NELL1: variants seen among roughly 807,000 people sequenced by gnomAD.
NELL1 encodes the protein protein kinase C-binding protein NELL1.
In NELL1, 76 loss-of-function variants were observed where a neutral mutation model predicts 107.4. The observed-to-expected ratio is 0.71, with a 90% CI of 0.59 to 0.86. NELL1 has a LOEUF of 0.86. Among genes scored for constraint, NELL1 ranks in the 40% least tolerant of loss-of-function variants. The pLI, the probability that NELL1 is intolerant of heterozygous loss-of-function variation, is 0.00. For missense variants in NELL1, 1,024 were observed against 1,005.5 expected (o/e 1.02, Z -0.25); for synonymous variants, 353 against 341.2 (o/e 1.03, Z -0.38).
intron 15 of NELL1, among the ~76,000 whole-genome samples, chr11:21,396,465 A>G (rs1851983645): frequency 6.6e-6 from 1 of 151,632 alleles, no homozygotes. Flanking sequence ...TAAAGGAAGG[A>G]CTAAGGAAAT....
At chr11:21,114,075 G>A (rs893270820) in intron 13 of NELL1, among the ~76,000 whole-genome samples, 1 of 151,972 alleles carries the variant, frequency 6.6e-6, no homozygotes, top group Non-Finnish European at 1.5e-5. Flanking sequence ...ATAAGAAAAT[G>A]TACTTTGTTC....
intron 4 of NELL1, among the ~76,000 whole-genome samples, chr11:20,877,790 C>A (rs1461115585): frequency 3.9e-5 from 6 of 152,114 alleles, no homozygotes; most frequent in Non-Finnish European, 7.3e-5. Flanking sequence ...GAGACACTTA[C>A]ACTTTAAAAT....
At chr11:21,330,038 A>G (rs1850236290) in intron 14 of NELL1, among the ~76,000 whole-genome samples, 1 of 152,042 alleles carries the variant, frequency 6.6e-6, no homozygotes, top group Admixed American at 6.6e-5. Context: ...CTTCTTATTT[A>G]CCATTGTTGG....
chr11:21,416,561 G>C (rs1324424936), intron 15 of NELL1, among the ~76,000 whole-genome samples: 3 of 152,130 alleles, frequency 2.0e-5, no homozygotes, highest in Non-Finnish European at 4.4e-5. Flanking sequence ...AGAAAGTTGA[G>C]ATGACAGATA....
At chr11:21,189,558 T>A (rs552031633) in intron 13 of NELL1, among the ~76,000 whole-genome samples, 14 of 151,918 alleles carry the variant, frequency 9.2e-5, no homozygotes, top group Admixed American at 7.9e-4. Context: ...ATAATTATTT[T>A]TATATATTAT....
At chr11:21,515,320 G>A (rs576839922) in intron 15 of NELL1, among the ~76,000 whole-genome samples, 22 of 152,042 alleles carry the variant, frequency 1.4e-4, no homozygotes, top group Non-Finnish European at 2.1e-4. Context: ...ATTACTGAAA[G>A]AAAAAAGACA....
intron 12 of NELL1, among the ~76,000 whole-genome samples, chr11:21,105,064 G>T (rs114499463): frequency 5.3e-5 from 8 of 152,058 alleles, no homozygotes; most frequent in Non-Finnish European, 1.0e-4. Flanking sequence ...ATGAATTTGG[G>T]GGGGACACAG....
chr11:21,400,505 T>C (rs561386066), intron 15 of NELL1, among the ~76,000 whole-genome samples: 1 of 151,960 alleles, frequency 6.6e-6, no homozygotes, highest in South Asian at 2.1e-4. Flanking sequence ...GACCCACAAC[T>C]CCAGGCTGCC....
intron 18 of NELL1, among the ~76,000 whole-genome samples, chr11:21,571,585 C>A (rs538319222): frequency 6.6e-6 from 1 of 151,920 alleles, no homozygotes; most frequent in South Asian, 2.1e-4. Context: ...ATTGTTAATA[C>A]TTCCTACCTT....
chr11:21,522,835 T>C (rs12797964), intron 15 of NELL1, among the ~76,000 whole-genome samples: 2 of 26,526 alleles, frequency 7.5e-5, no homozygotes. Flanking sequence ...TTTTCTTTTC[T>C]TTTTTTTTTT....
At chr11:21,091,513 T>G (rs1014450355) in intron 12 of NELL1, among the ~76,000 whole-genome samples, 7 of 152,162 alleles carry the variant, frequency 4.6e-5, no homozygotes, top group African/African-American at 1.7e-4. Flanking sequence ...ACTAGGCAAA[T>G]AGGGAAAATG....
intron 15 of NELL1, among the ~76,000 whole-genome samples, chr11:21,427,074 C>T (rs1296687381): frequency 6.6e-6 from 1 of 152,150 alleles, no homozygotes; most frequent in East Asian, 1.9e-4. Context: ...GGAGATGCTG[C>T]TGGGCAGTAG....
At chr11:21,424,697 C>A (rs1314999661) in intron 15 of NELL1, among the ~76,000 whole-genome samples, 1 of 151,932 alleles carries the variant, frequency 6.6e-6, no homozygotes, top group Non-Finnish European at 1.5e-5. Flanking sequence ...GTAATGAGGA[C>A]AAAATGGACA....
intron 1 of NELL1, chr11:20,674,460 G>T: frequency 6.5e-7 from 1 of 1,529,234 alleles, no homozygotes; most frequent in Non-Finnish European, 8.8e-7. Flanking sequence ...TTTTACACAC[G>T]GTAACCCAAA....
At chr11:21,112,485 A>G (rs1855129997) in intron 12 of NELL1, among the ~76,000 whole-genome samples, 1 of 151,988 alleles carries the variant, frequency 6.6e-6, no homozygotes, top group Non-Finnish European at 1.5e-5. Context: ...CATGAAGTAA[A>G]TAATAGTAAA....
chr11:20,705,016 T>C lies in NELL1; in HGVS notation c.184+26956T>C, dbSNP rs1175576640. ...CACTGCTCAATGAAATAAAAGAGGA[T>C]ACAAACAAATGGAAGAACATTCCAT... On this transcript the variant is annotated intron_variant, in intron 2 of 19. Transcript: ENST00000357134. Among the ~76,000 whole-genome samples the C allele has an allele frequency of 3.3e-5, 5 of 151,974 alleles. No homozygotes were observed. In the East Asian group the frequency reaches 5.8e-4, roughly 18 times the overall value.
chr11:20,938,090 G>A (rs1850765639), intron 10 of NELL1, among the ~76,000 whole-genome samples: 1 of 152,190 alleles, frequency 6.6e-6, no homozygotes, highest in South Asian at 2.1e-4. Context: ...ATTAAGGCAA[G>A]GATGTGAGAG....
intron 2 of NELL1, among the ~76,000 whole-genome samples, chr11:20,735,507 T>C (rs567116540): frequency 6.5e-4 from 99 of 152,246 alleles, no homozygotes; most frequent in African/African-American, 2.3e-3. Flanking sequence ...AACAGCAGCA[T>C]GGGGGTAACT....
chr11:20,799,075 T>G (rs892535698), intron 3 of NELL1, among the ~76,000 whole-genome samples: 1 of 123,934 alleles, frequency 8.1e-6, no homozygotes, highest in African/African-American at 2.6e-5. Flanking sequence ...GAGGGCTTTA[T>G]GAAGATAGGA....
Sources: allele counts gnomAD v4.1 joint callset (sites outside exome capture counted in the v4.1 genomes callset), GRCh38; gene constraint gnomAD v4.1.1; transcripts MANE v1.5; gene names NCBI Gene and HGNC (gene_info 2026-07-23, HGNC 2026-07-21).